Variants in PWWP2A observed in about 807,000 individuals in gnomAD.
PWWP2A encodes PWWP domain-containing protein 2A.
Under a neutral mutation model 48.5 loss-of-function variants are expected in PWWP2A, and 18 were observed. That is an observed-to-expected ratio of 0.37 (90% CI 0.26 to 0.55). The LOEUF (loss-of-function observed/expected upper bound fraction) is 0.55. Ranked by LOEUF, PWWP2A falls within the 20% of genes least tolerant of loss-of-function variation. PWWP2A has a pLI of 0.81. For synonymous variants in PWWP2A, 396 were observed against 387.7 expected, an observed-to-expected ratio of 1.02 and a Z score of -0.25; for missense variants, 867 against 976.4, an observed-to-expected ratio of 0.89 and a Z score of 1.49.
chr5:160,078,261 A>C lies in PWWP2A; in HGVS notation c.1670-93T>G, dbSNP rs768961086. 1.9e-6 allele frequency: 2 copies of C among 1,061,456 alleles called. No homozygotes were observed. Among genetic ancestry groups the C allele is most frequent in the Non-Finnish European group, 2.8e-6 (2 of 704,238 alleles). The allele number at this position is 1,061,456 out of a possible 1,614,324, so 65.8% of individuals were successfully genotyped here. On this transcript the variant is annotated intron_variant, in intron 3 of 3. Transcript: ENST00000456329. The surrounding 1 kb of genome is among the most constrained non-coding windows in gnomAD (Gnocchi z 4.2). ...TCCTTGTTGTTTAAGCCCTACATAG[A>C]TTGTGGGATCACACCTGATTTTTTC...
chr5:160,084,995 A>G (rs1754518278), intron 2 of PWWP2A, among the ~76,000 whole-genome samples: 1 of 152,090 alleles, frequency 6.6e-6, no homozygotes, highest in African/African-American at 2.4e-5. Context: ...AAAAAGAAAA[A>G]CAAGAAGCCC....
chr5:160,067,318 A>G (rs1753638251), intron 2 of PWWP2A, among the ~76,000 whole-genome samples: 1 of 152,212 alleles, frequency 6.6e-6, no homozygotes. Context: ...TTCATAATAC[A>G]AAATACAGAT....
chr5:160,097,181 G>C (rs887054499), intron 1 of PWWP2A, among the ~76,000 whole-genome samples: 6 of 151,300 alleles, frequency 4.0e-5, no homozygotes, highest in Admixed American at 1.3e-4. Context: ...TCTACAAATA[G>C]GAAAAATTAG....
intron 3 of PWWP2A, chr5:160,080,515 C>T (rs757663522): frequency 7.1e-6 from 6 of 839,746 alleles, no homozygotes; most frequent in South Asian, 4.5e-5. Flanking sequence ...GAGGCACACC[C>T]GGCTACCAAA....
rs559689368 is a variant in PWWP2A at position 160,110,388 on chromosome 5, T to C, written c.584+8417A>G. Among the ~76,000 whole-genome samples, 3 of 152,302 alleles carry C rather than the reference T, an allele frequency of 2.0e-5. No homozygotes were observed. The South Asian group carries it at 6.2e-4, about 32-fold the overall frequency. ...GGTGTAATAATGGTAGTAAGATTGT[T>C]GTTTTTAAAGTCCTTATCTTTTTAG... On this transcript the variant is annotated intron_variant, in intron 1 of 1. Coordinates refer to ENST00000307063, the MANE Select transcript of PWWP2A (RefSeq NM_001130864.2).
At chr5:160,089,909 A>T, downstream of PWWP2A, 2 of 985,256 alleles carry the variant, frequency 2.0e-6, no homozygotes, top group Non-Finnish European at 2.4e-6. Flanking sequence ...CTCCATCTGC[A>T]GTAGATACTG....
At chr5:160,068,271 G>T (rs1353060375) in intron 2 of PWWP2A, among the ~76,000 whole-genome samples, 1 of 152,150 alleles carries the variant, frequency 6.6e-6, no homozygotes, top group Non-Finnish European at 1.5e-5. Flanking sequence ...CTGTGACGTT[G>T]TACATATTCT....
chr5:160,089,514 TCA>T, downstream of PWWP2A: 1 of 1,278,512 alleles, frequency 7.8e-7, no homozygotes, highest in South Asian at 1.3e-5. Flanking sequence ...ACCTGGCCTC[TCA>T]CAGATAATTG....
At chr5:160,064,554 C>CGGT (rs1753541813) in intron 4 of PWWP2A, among the ~76,000 whole-genome samples, 2 of 152,232 alleles carry the variant, frequency 1.3e-5, no homozygotes, top group South Asian at 4.1e-4. Context: ...CCAGGCAGAC[C>CGGT]TGGCTTGGCA....
intron 4 of PWWP2A, chr5:160,064,946 C>G (rs1385910556): frequency 1.2e-6 from 2 of 1,611,238 alleles, no homozygotes; most frequent in Admixed American, 1.7e-5. Flanking sequence ...ATTAAAAGAT[C>G]TTGGGAACTT....
chr5:160,065,632 G>T, intron 4 of PWWP2A: 1 of 318,934 alleles, frequency 3.1e-6, no homozygotes. Flanking sequence ...GTTTCAAGCA[G>T]GGTTACTGAT....
chr5:160,109,774 A>AATATATATATATATAT (rs1223846862), intron 1 of PWWP2A, among the ~76,000 whole-genome samples: 33 of 25,210 alleles, frequency 1.3e-3, no homozygotes, highest in Non-Finnish European at 2.0e-3. Flanking sequence ...AAAAAAAAAA[A>AATATATATATATATAT]ATATATATAT....
chr5:160,050,332 A>G, the PWWP2A span, among the ~76,000 whole-genome samples: 1 of 152,004 alleles, frequency 6.6e-6, no homozygotes, highest in Non-Finnish European at 1.5e-5. Context: ...CTGTAATCCC[A>G]GCTACTCGAG....
intron 4 of PWWP2A, among the ~76,000 whole-genome samples, chr5:160,066,037 A>T (rs1753596653): frequency 6.6e-6 from 1 of 152,208 alleles, no homozygotes. Flanking sequence ...TGTAAGTGAC[A>T]TGCAGTAGTC....
At chr5:160,115,179 C>A (rs1367415022) in intron 1 of PWWP2A, among the ~76,000 whole-genome samples, 1 of 143,486 alleles carries the variant, frequency 7.0e-6, no homozygotes, top group Non-Finnish European at 1.5e-5. Context: ...AGCACAAACT[C>A]AGTAGCCCTG....
At chr5:160,094,514 C>T (rs1409989366) in intron 1 of PWWP2A, among the ~76,000 whole-genome samples, 1 of 152,118 alleles carries the variant, frequency 6.6e-6, no homozygotes, top group African/African-American at 2.4e-5. Flanking sequence ...CTTAACTATC[C>T]AAAACTACTT....
the PWWP2A span, among the ~76,000 whole-genome samples, chr5:160,047,797 C>G: frequency 1.3e-3 from 205 of 152,278 alleles, 7 homozygotes; most frequent in East Asian, 0.038. Flanking sequence ...ACATGGCTGG[C>G]CTCTCTCACA....
intron 1 of PWWP2A, chr5:160,105,655 C>T (rs1399388221): frequency 1.0e-6 from 1 of 978,844 alleles, no homozygotes; most frequent in African/African-American, 1.8e-5. Context: ...ACAATTTCCT[C>T]ATAAGCCATC....
At chr5:160,111,155 A>C (rs1458528016) in intron 1 of PWWP2A, among the ~76,000 whole-genome samples, 1 of 151,964 alleles carries the variant, frequency 6.6e-6, no homozygotes, top group Admixed American at 6.6e-5. Flanking sequence ...AGCGAGACCC[A>C]GTTTCTACAA....
Sources: gnomAD v4.1 joint callset for allele counts (sites outside exome capture counted in the v4.1 genomes callset) on GRCh38, gnomAD v4.1.1 for gene constraint, Gnocchi (gnomAD v3.1) non-coding constraint, MANE v1.5 for transcripts, NCBI Gene and HGNC (gene_info 2026-07-23, HGNC 2026-07-21) for gene names.